The following NUP210L variants were observed in gnomAD, a reference collection of about 807,000 sequenced individuals.
NUP210L encodes the protein nucleoporin 210 like, also known as nuclear pore membrane glycoprotein 210-like.
Under a neutral mutation model 208.5 loss-of-function variants are expected in NUP210L, and 74 were observed. The ratio of observed to expected loss-of-function variants is 0.35; its 90% confidence interval spans 0.29 to 0.43. The LOEUF (loss-of-function observed/expected upper bound fraction) is 0.43, where lower values mean the gene tolerates loss of function less well. NUP210L is among the 20% of genes least tolerant of loss of function. The probability of loss-of-function intolerance (pLI) is 1.00; values close to 1 mark genes in which losing one functional copy is unlikely to be tolerated. For missense variants in NUP210L, 1,843 were observed against 2,289.4 expected (o/e 0.81, Z 3.98); for synonymous variants, 780 against 816.9 (o/e 0.95, Z 0.77).
chr1:154,154,882 C>A lies in NUP210L; in HGVS notation c.163G>T (p.Val55Leu), dbSNP rs769070442. 21 of 1,614,248 alleles carry A rather than the reference C, an allele frequency of 1.3e-5. No homozygotes were observed. In the South Asian group the frequency reaches 2.2e-4, roughly 17 times the overall value. Residue 55 changes from valine (V) to leucine (L), a missense_variant, in exon 1 of 40, where the codon GTG becomes TTG. By Grantham distance (32) the Val-to-Leu change is conservative. This residue lies in a region of NUP210L where 542 missense variants were observed against 606.4 expected (regional missense o/e 0.89). Coordinates refer to ENST00000368559, the Ensembl canonical transcript of NUP210L. ...CGCTGGGCCTCCAGCAGGAAAGGCA[C>A]CCGGCCTGGCTCTCGGCCGAAGGGT...
At chr1:154,056,868 T>C in exon 23 of NUP210L, 1 of 1,605,114 alleles carries the variant, frequency 6.2e-7, no homozygotes, top group Non-Finnish European at 8.5e-7. Flanking sequence ...TCCTTGGCAA[T>C]AGCCACAAGT....
At chr1:153,992,726 C>T in exon 40 of NUP210L, 4 of 728,934 alleles carry the variant, frequency 5.5e-6, no homozygotes, top group Non-Finnish European at 9.4e-6. Context: ...ATTTATAGTT[C>T]TCAGAAGCCT....
intron 33 of NUP210L, among the ~76,000 whole-genome samples, chr1:154,016,809 CA>C (rs1195042020): frequency 1.3e-5 from 2 of 149,174 alleles, no homozygotes; most frequent in Non-Finnish European, 3.0e-5. Flanking sequence ...CAAAACAAAA[CA>C]AAAAAATTAG....
chr1:153,993,288 C>A (rs559064039), intron 38 of NUP210L, among the ~76,000 whole-genome samples, 199 bp from the exon 39 acceptor site: 1 of 152,106 alleles, frequency 6.6e-6, no homozygotes, highest in Admixed American at 6.6e-5. Flanking sequence ...GGAAAATGGC[C>A]GGGCACGGTG....
chr1:154,080,448 C>T (rs998941441), intron 16 of NUP210L, among the ~76,000 whole-genome samples: 13 of 150,460 alleles, frequency 8.6e-5, no homozygotes, highest in African/African-American at 2.2e-4. Context: ...CCAAGGTGGG[C>T]GGGTCACTTG....
chr1:154,085,002 G>A (rs528172973), intron 16 of NUP210L, among the ~76,000 whole-genome samples: 181 of 142,930 alleles, frequency 1.3e-3, no homozygotes, highest in African/African-American at 4.1e-3. Context: ...CACCCAATTC[G>A]GCCTCCCAAA....
At chr1:154,084,335 C>A (rs1655515068) in intron 16 of NUP210L, among the ~76,000 whole-genome samples, 3 of 151,992 alleles carry the variant, frequency 2.0e-5, no homozygotes, top group Admixed American at 2.0e-4. Context: ...CCTCAGCCCC[C>A]TGAGTAGCTG....
chr1:154,069,900 A>G (rs1443281099), intron 17 of NUP210L, among the ~76,000 whole-genome samples: 2 of 152,182 alleles, frequency 1.3e-5, no homozygotes, highest in African/African-American at 4.8e-5. Flanking sequence ...TGTCCTTTGT[A>G]GGGACATGGA....
intron 28 of NUP210L, 52 bp downstream of exon 28, chr1:154,029,844 T>C (rs895863931): frequency 3.5e-6 from 5 of 1,425,378 alleles, no homozygotes; most frequent in Non-Finnish European, 4.9e-6. Flanking sequence ...TAAGAGAATA[T>C]AACTTTCTTA....
intron 15 of NUP210L, among the ~76,000 whole-genome samples, chr1:154,090,374 T>C (rs1655842508): frequency 6.6e-6 from 1 of 152,126 alleles, no homozygotes; most frequent in Admixed American, 6.6e-5. Context: ...AAAAAGAAAT[T>C]AGGAAACTTC....
intron 30 of NUP210L, among the ~76,000 whole-genome samples, chr1:154,024,408 T>C (rs1651736692): frequency 6.6e-6 from 1 of 152,172 alleles, no homozygotes; most frequent in South Asian, 2.1e-4. Flanking sequence ...AAAGAGATAA[T>C]ATACATACAA....
chr1:154,119,075 T>C (rs1210482801), intron 10 of NUP210L, among the ~76,000 whole-genome samples: 1 of 152,034 alleles, frequency 6.6e-6, no homozygotes, highest in Non-Finnish European at 1.5e-5. Context: ...TAAAATTCCC[T>C]GAAATAAAAG....
At chr1:154,010,240 A>G (rs1650829603) in intron 34 of NUP210L, 119 bp from the exon 35 acceptor site, 2 of 903,690 alleles carry the variant, frequency 2.2e-6, no homozygotes, top group East Asian at 5.2e-5. Flanking sequence ...AGGGTCAGTT[A>G]TGGCTGGTTT....
rs34912607 is a variant in NUP210L, at chr1:153,997,484, T to TC, written c.5387-2305dup. ...TCTTTTCTGTTTTTTTTTTTTTTTT[T>TC]CCTGAAACAGCCTTTCTTTCTCACT... On this transcript the variant is annotated intron_variant, in intron 37 of 39. Transcript: ENST00000368559. Among the ~76,000 whole-genome samples the TC allele has an allele frequency of 4.0e-5, 6 of 148,372 alleles. 1 individual carries two copies. The highest frequency in any genetic ancestry group is 6.0e-5 in the Non-Finnish European group (4 of 66,548).
chr1:154,014,498 A>C (rs1169081946), intron 33 of NUP210L, among the ~76,000 whole-genome samples: 4 of 151,846 alleles, frequency 2.6e-5, no homozygotes, highest in African/African-American at 9.7e-5. Context: ...TTCTTTTTGG[A>C]TGTTATCCAA....
intron 12 of NUP210L, among the ~76,000 whole-genome samples, chr1:154,110,725 A>G (rs1314091331): frequency 2.0e-5 from 3 of 151,362 alleles, no homozygotes; most frequent in Non-Finnish European, 4.4e-5. Flanking sequence ...CAAAAAATAC[A>G]AAAATCAGCT....
chr1:154,147,604 A>G lies in NUP210L; in HGVS notation c.341-4027T>C, dbSNP rs951630242. ...AGTGTTCCTCCTGCCTCAGCCTCTC[A>G]GAGTGCTGGGATTACAGGCCTCCGG... On this transcript the variant is annotated intron_variant, in intron 2 of 39. Coordinates refer to ENST00000368559, the Ensembl canonical transcript of NUP210L. Among the ~76,000 whole-genome samples, 3 of 151,442 alleles carry G rather than the reference A, an allele frequency of 2.0e-5. No individual in the cohort carries two copies. In the South Asian group the frequency reaches 6.3e-4, roughly 32 times the overall value.
intron 27 of NUP210L, among the ~76,000 whole-genome samples, chr1:154,032,065 T>C (rs1380658080): frequency 1.3e-5 from 2 of 152,164 alleles, no homozygotes; most frequent in South Asian, 2.1e-4. Flanking sequence ...TTGTACTCCA[T>C]TGTGTATATA....
exon 2 of NUP210L, chr1:154,152,828 T>A (rs778642035): frequency 1.2e-6 from 2 of 1,614,052 alleles, no homozygotes; most frequent in Middle Eastern, 1.6e-4. Flanking sequence ...GGTGCCATTT[T>A]CATATAAAGG....
Sources: gnomAD v4.1 joint callset for allele counts (sites outside exome capture counted in the v4.1 genomes callset) on GRCh38, gnomAD v4.1.1 for gene constraint, gnomAD v4.1.1 regional missense constraint, MANE v1.5 for transcripts, NCBI Gene and HGNC (gene_info 2026-07-23, HGNC 2026-07-21) for gene names.